FLT1: variants seen among roughly 807,000 people sequenced by gnomAD.
The protein encoded by FLT1 is fms related receptor tyrosine kinase 1.
FLT1 carries 49 observed loss-of-function variants against 156.3 expected under a neutral mutation model. That is an observed-to-expected ratio of 0.31 (90% CI 0.25 to 0.40). The LOEUF (loss-of-function observed/expected upper bound fraction) is 0.40. FLT1 is among the 10% of genes least tolerant of loss of function. FLT1 has a pLI of 1.00. For synonymous variants in FLT1, 594 were observed against 583.8 expected (o/e 1.02, Z -0.25); for missense variants, 1,322 against 1,637.2 (o/e 0.81, Z 3.32).
chr13:28,330,910 C>A (rs557874748), intron 18 of FLT1, among the ~76,000 whole-genome samples: 22 of 152,202 alleles, frequency 1.4e-4, no homozygotes, highest in Admixed American at 5.9e-4. Flanking sequence ...GACAGGGTTT[C>A]ACCATGCTCC....
intron 1 of FLT1, among the ~76,000 whole-genome samples, chr13:28,489,058 A>G (rs894822312): frequency 2.6e-5 from 4 of 152,350 alleles, no homozygotes; most frequent in Admixed American, 2.6e-4. Context: ...TTGGTGGCTC[A>G]CAGGCCCCAG....
chr13:28,372,903 T>C (rs192438605), intron 14 of FLT1, among the ~76,000 whole-genome samples: 44 of 151,462 alleles, frequency 2.9e-4, no homozygotes, highest in Non-Finnish European at 5.5e-4. Flanking sequence ...ATAAATAAAA[T>C]AAAAATGAAA....
intron 3 of FLT1, among the ~76,000 whole-genome samples, chr13:28,447,456 G>A (rs1297858285): frequency 2.0e-5 from 3 of 151,990 alleles, no homozygotes; most frequent in African/African-American, 7.2e-5. Context: ...CAAAGTGCTG[G>A]GATTGCAGGC....
At chr13:28,385,548 T>C (rs570470089) in intron 13 of FLT1, 1 of 1,012,492 alleles carries the variant, frequency 9.9e-7, no homozygotes, top group Non-Finnish European at 1.2e-6. Context: ...AACAGGAGAA[T>C]TTCTTGAACT....
At chr13:28,339,985 T>C (rs569811483) in intron 16 of FLT1, among the ~76,000 whole-genome samples, 2 of 152,230 alleles carry the variant, frequency 1.3e-5, no homozygotes, top group East Asian at 3.9e-4. Context: ...AAGGCTGAGG[T>C]GGGTGGATCA....
At chr13:28,407,925 C>T (rs1313935347) in intron 10 of FLT1, among the ~76,000 whole-genome samples, 3 of 152,180 alleles carry the variant, frequency 2.0e-5, no homozygotes, top group African/African-American at 4.8e-5. Flanking sequence ...TAGACTATAA[C>T]ATCCCCATGT....
intron 1 of FLT1, among the ~76,000 whole-genome samples, chr13:28,474,507 C>CACACACACACACACAGACAGACACACAG (rs1555245768): frequency 1.4e-4 from 21 of 150,696 alleles, no homozygotes; most frequent in African/African-American, 5.0e-4. Flanking sequence ...CACACACACA[C>CACACACACACACACAGACAGACACACAG]ACACACACAC....
intron 28 of FLT1, chr13:28,308,577 A>T (rs1329270540): frequency 4.2e-6 from 2 of 471,160 alleles, no homozygotes; most frequent in African/African-American, 3.9e-5. Context: ...TAAGCAGCTT[A>T]GAAACACACA....
chr13:28,376,283 T>C (rs1446444883), intron 14 of FLT1, among the ~76,000 whole-genome samples: 1 of 152,222 alleles, frequency 6.6e-6, no homozygotes, highest in Non-Finnish European at 1.5e-5. Flanking sequence ...GTATTAATCA[T>C]TGGGTTAGAG....
chr13:28,431,228 T>C lies in FLT1; in HGVS notation c.896A>G (p.Asp299Gly). 6.2e-7 allele frequency: 1 copy of C among 1,613,572 alleles called. No homozygotes were observed. The highest frequency in any genetic ancestry group is 8.5e-7 in the Non-Finnish European group (1 of 1,179,452). Residue 299 changes from aspartate (D) to glycine (G), a missense_variant, in exon 7 of 30, where the codon GAC becomes GGC. By Grantham distance (94) the Asp-to-Gly change is moderately conservative (BLOSUM62 -1). This residue lies in a region of FLT1 where 991 missense variants were observed against 1,254.8 expected (regional missense o/e 0.79). Transcript: ENST00000282397. ...ANIFYSVLTI[D>G]KMQNKDKGLY... ...TCCTTTGTCTTTGTTCTGCATTTTG[T>C]CAATAGTAAGAACACTGTAGAATAT... is the stretch of plus-strand genomic sequence containing the variant.
At chr13:28,409,427 T>C (rs569781613) in intron 10 of FLT1, among the ~76,000 whole-genome samples, 1 of 151,968 alleles carries the variant, frequency 6.6e-6, no homozygotes, top group East Asian at 1.9e-4. Flanking sequence ...CTTGACCTCC[T>C]GGGCTCAACT....
At chr13:28,377,323 A>T (rs1365356393) in intron 14 of FLT1, among the ~76,000 whole-genome samples, 2 of 152,196 alleles carry the variant, frequency 1.3e-5, no homozygotes, top group Non-Finnish European at 2.9e-5. Flanking sequence ...ACAATTGAGA[A>T]CTTATTGTAT....
chr13:28,391,838 C>T (rs149428248), intron 12 of FLT1, among the ~76,000 whole-genome samples: 2 of 152,302 alleles, frequency 1.3e-5, no homozygotes, highest in African/African-American at 4.8e-5. Flanking sequence ...TTGGCCCAGT[C>T]TCACGGGAGG....
At chr13:28,491,188 C>T (rs528653252) in intron 1 of FLT1, among the ~76,000 whole-genome samples, 160 of 152,190 alleles carry the variant, frequency 1.1e-3, no homozygotes, top group African/African-American at 3.8e-3. Flanking sequence ...CCTTCAACTT[C>T]CATATTAAAT....
intron 15 of FLT1, among the ~76,000 whole-genome samples, chr13:28,352,677 T>C (rs1214829998): frequency 2.6e-5 from 4 of 152,238 alleles, no homozygotes; most frequent in Non-Finnish European, 5.9e-5. Flanking sequence ...AGTGCACAAC[T>C]GGTTCATCTC....
rs1879317596 is a variant in FLT1, at chr13:28,457,211, T to A, written c.388+9692A>T. Among the ~76,000 whole-genome samples the A allele has an allele frequency of 2.6e-5, 4 of 151,646 alleles. No individual in the cohort carries two copies. The South Asian group carries it at 6.2e-4, about 24-fold the overall frequency. Reference sequence around the variant, plus strand: ...ACACACACATAGACATGCACACACATCTAATTTTTAAAATGAGAGCACTAC... The same window carrying A: ...ACACACACATAGACATGCACACACAACTAATTTTTAAAATGAGAGCACTAC... On this transcript the variant is annotated intron_variant, in intron 3 of 29. Coordinates refer to ENST00000282397, the MANE Select transcript of FLT1 (RefSeq NM_002019.4).
intron 15 of FLT1, chr13:28,345,783 G>T (rs2138859807): frequency 4.8e-6 from 2 of 418,062 alleles, no homozygotes; most frequent in African/African-American, 3.9e-5. Context: ...AACTCACATA[G>T]AAAAGGCTTT....
At chr13:28,324,840 C>T (rs187689858) in intron 20 of FLT1, among the ~76,000 whole-genome samples, 50 of 152,312 alleles carry the variant, frequency 3.3e-4, no homozygotes, top group African/African-American at 8.9e-4. Flanking sequence ...AAAACTCAGG[C>T]TCTCTCACTC....
At chr13:28,340,288 C>T (rs1872283718) in intron 16 of FLT1, among the ~76,000 whole-genome samples, 1 of 152,092 alleles carries the variant, frequency 6.6e-6, no homozygotes, top group South Asian at 2.1e-4. Context: ...AAGCCACATT[C>T]TGACTTCATT....
Sources: gnomAD v4.1 joint callset for allele counts (sites outside exome capture counted in the v4.1 genomes callset) on GRCh38, gnomAD v4.1.1 for gene constraint, gnomAD v4.1.1 regional missense constraint, MANE v1.5 for transcripts, NCBI Gene and HGNC (gene_info 2026-07-23, HGNC 2026-07-21) for gene names.